FSTL5: variants seen among roughly 807,000 people sequenced by gnomAD.
FSTL5 encodes the protein follistatin like 5.
Under a neutral mutation model 89.1 loss-of-function variants are expected in FSTL5, and 62 were observed. That is an observed-to-expected ratio of 0.70 (90% confidence interval 0.57 to 0.86). The LOEUF is 0.86. Among genes scored for constraint, FSTL5 ranks in the 40% least tolerant of loss-of-function variants. The probability of loss-of-function intolerance (pLI) is 0.00; values close to 1 mark genes in which losing one functional copy is unlikely to be tolerated. For synonymous variants in FSTL5, 383 were observed against 346.2 expected (o/e 1.11, Z -1.18); for missense variants, 1,057 against 1,001.6 (o/e 1.06, Z -0.75).
intron 2 of FSTL5, among the ~76,000 whole-genome samples, chr4:162,055,302 T>G (rs1189476063): frequency 6.6e-6 from 1 of 151,754 alleles, no homozygotes; most frequent in East Asian, 1.9e-4. Flanking sequence ...GATCAATATA[T>G]ACAAATGAAT....
intron 6 of FSTL5, among the ~76,000 whole-genome samples, chr4:161,735,175 G>T (rs75686590): frequency 0.011 from 1,711 of 152,276 alleles, 38 homozygotes; most frequent in South Asian, 0.07. Flanking sequence ...AGGGAAAAAC[G>T]TATTTAATGC....
intron 8 of FSTL5, among the ~76,000 whole-genome samples, chr4:161,547,068 T>G (rs1352743221): frequency 2.0e-5 from 3 of 152,034 alleles, no homozygotes; most frequent in African/African-American, 7.2e-5. Flanking sequence ...CATAAGATAC[T>G]CAATCACTCT....
chr4:161,642,960 G>A (rs966091600), intron 7 of FSTL5, among the ~76,000 whole-genome samples: 1 of 152,128 alleles, frequency 6.6e-6, no homozygotes. Flanking sequence ...TTTATGCTAT[G>A]TGTATTCAAC....
At chr4:161,856,566 GC>G (rs987263739) in intron 4 of FSTL5, among the ~76,000 whole-genome samples, 21 of 151,650 alleles carry the variant, frequency 1.4e-4, no homozygotes, top group African/African-American at 4.8e-4. Context: ...AAAGCCAAAT[GC>G]CTGTCTCTCT....
At chr4:161,472,244 T>C (rs1341104148) in intron 13 of FSTL5, among the ~76,000 whole-genome samples, 6 of 152,170 alleles carry the variant, frequency 3.9e-5, no homozygotes, top group Non-Finnish European at 8.8e-5. Flanking sequence ...CCCAAAGTGC[T>C]GGAATTGCAG....
At chr4:161,552,234 CT>C (rs1732241448) in intron 8 of FSTL5, among the ~76,000 whole-genome samples, 1 of 151,720 alleles carries the variant, frequency 6.6e-6, no homozygotes, top group Non-Finnish European at 1.5e-5. Flanking sequence ...AGGAGATGAG[CT>C]TTTTAAAAAA....
chr4:161,936,796 C>T (rs1038168119), intron 3 of FSTL5, among the ~76,000 whole-genome samples: 1 of 152,130 alleles, frequency 6.6e-6, no homozygotes, highest in Non-Finnish European at 1.5e-5. Flanking sequence ...AAAAGCAGCC[C>T]TCTACCACAG....
intron 4 of FSTL5, among the ~76,000 whole-genome samples, chr4:161,830,306 C>T (rs952270312): frequency 6.6e-6 from 1 of 151,930 alleles, no homozygotes; most frequent in Non-Finnish European, 1.5e-5. Context: ...GATTTTGCTT[C>T]CTGTTATGAT....
intron 11 of FSTL5, among the ~76,000 whole-genome samples, chr4:161,501,213 T>TA (rs1730284844): frequency 6.6e-6 from 1 of 152,224 alleles, no homozygotes; most frequent in Admixed American, 6.5e-5. Context: ...TTTATTTAAA[T>TA]AAAAAATAAT....
intron 4 of FSTL5, among the ~76,000 whole-genome samples, chr4:161,866,639 T>C (rs1388682532): frequency 3.9e-5 from 6 of 152,004 alleles, no homozygotes; most frequent in Non-Finnish European, 7.4e-5. Flanking sequence ...GAGTGAATTA[T>C]TCAGTGTAGC....
At chr4:161,501,132 C>A (rs1010615723) in intron 11 of FSTL5, among the ~76,000 whole-genome samples, 31 of 152,100 alleles carry the variant, frequency 2.0e-4, no homozygotes, top group Non-Finnish European at 1.0e-4. Flanking sequence ...ATATTAAAAT[C>A]TTGACTGGAA....
chr4:161,936,206 T>C (rs186410479), intron 3 of FSTL5, among the ~76,000 whole-genome samples: 1 of 152,274 alleles, frequency 6.6e-6, no homozygotes, highest in East Asian at 1.9e-4. Context: ...TGAATTTAGG[T>C]AATTGTAGGA....
At chr4:161,423,137 G>A in intron 15 of FSTL5, among the ~76,000 whole-genome samples, 1 of 151,992 alleles carries the variant, frequency 6.6e-6, no homozygotes, top group Non-Finnish European at 1.5e-5. Flanking sequence ...TTTCTTTACA[G>A]GAAACAGATT....
At chr4:161,737,934 A>C (rs921287481) in intron 6 of FSTL5, among the ~76,000 whole-genome samples, 4 of 152,120 alleles carry the variant, frequency 2.6e-5, no homozygotes, top group Non-Finnish European at 4.4e-5. Context: ...AGAATTAAAA[A>C]TTTAAGACCA....
intron 15 of FSTL5, among the ~76,000 whole-genome samples, chr4:161,409,343 T>C (rs1490415816): frequency 6.6e-6 from 1 of 152,142 alleles, no homozygotes; most frequent in African/African-American, 2.4e-5. Context: ...AATAAAACTT[T>C]TCCCTGAGAG....
At chr4:161,597,452 G>C (rs1734057989) in intron 7 of FSTL5, among the ~76,000 whole-genome samples, 1 of 142,722 alleles carries the variant, frequency 7.0e-6, no homozygotes, top group Admixed American at 7.3e-5. Flanking sequence ...ACACAGGAAG[G>C]GGAACATCAC....
intron 6 of FSTL5, among the ~76,000 whole-genome samples, chr4:161,686,258 C>T (rs1296867363): frequency 2.3e-5 from 3 of 130,012 alleles, no homozygotes; most frequent in East Asian, 5.0e-4. Flanking sequence ...TAGGGTGATA[C>T]TGGCTTCACA....
At chr4:161,579,695 C>T (rs1287550144) in intron 8 of FSTL5, among the ~76,000 whole-genome samples, 1 of 137,384 alleles carries the variant, frequency 7.3e-6, no homozygotes, top group Non-Finnish European at 1.5e-5. Flanking sequence ...CCAGCCTGGG[C>T]GATGGCGCAA....
intron 7 of FSTL5, among the ~76,000 whole-genome samples, chr4:161,630,320 A>G (rs1172421286): frequency 6.6e-6 from 1 of 152,166 alleles, no homozygotes; most frequent in East Asian, 1.9e-4. Flanking sequence ...TTCGTACTAA[A>G]TGATCACAGT....
Sources: allele counts gnomAD v4.1 joint callset (sites outside exome capture counted in the v4.1 genomes callset), GRCh38; gene constraint gnomAD v4.1.1; transcripts MANE v1.5; gene names NCBI Gene and HGNC (gene_info 2026-07-23, HGNC 2026-07-21).